The following FBN2 variants were observed in gnomAD, a reference collection of about 807,000 sequenced individuals.
FBN2 encodes fibrillin-2.
FBN2 carries 105 observed loss-of-function variants against 355.6 expected under a neutral mutation model. The observed-to-expected ratio is 0.30, with a 90% CI of 0.25 to 0.35. The LOEUF (loss-of-function observed/expected upper bound fraction) is 0.35, where lower values mean the gene tolerates loss of function less well. Ranked by LOEUF, FBN2 falls within the 10% of genes least tolerant of loss-of-function variation. The probability of loss-of-function intolerance (pLI) is 1.00; values close to 1 mark genes in which losing one functional copy is unlikely to be tolerated. For synonymous variants in FBN2, 1,350 were observed against 1,301.2 expected (o/e 1.04, Z -0.81); for missense variants, 3,280 against 3,758.7 (o/e 0.87, Z 3.33).
chr5:128,330,646 C>G lies in FBN2; in HGVS notation c.4272G>C (p.Gln1424His). ...NGTHQCSINA[Q>H]CVNTPGSYRC... is the part of the protein sequence containing the mutation. The stretch of plus-strand genomic sequence containing the variant: ...GGTATGAGCCCGGGGTATTTACACA[C>G]TGAGCATTGATGCTACACTGGTGGG... Residue 1424 changes from glutamine to histidine, a missense_variant, in exon 33 of 65, where the codon CAG (glutamine) becomes CAC (histidine). Physicochemically the swap from Gln to His is conservative, Grantham distance 24. Around this residue, in one of 6 missense-constraint regions of FBN2, gnomAD observed 2,284 missense variants for 2,749.5 expected, o/e 0.83. Coordinates refer to ENST00000262464, the MANE Select transcript of FBN2 (RefSeq NM_001999.4). The G allele has an allele frequency of 6.2e-7, 1 of 1,613,948 alleles. No individual in the cohort carries two copies.
chr5:128,296,927 G>A (rs1749537003), intron 48 of FBN2, among the ~76,000 whole-genome samples: 1 of 152,028 alleles, frequency 6.6e-6, no homozygotes, highest in South Asian at 2.1e-4. Flanking sequence ...TAATTGTGAT[G>A]TTAGGGTGTC....
At chr5:128,296,452 G>T (rs1749514836) in intron 48 of FBN2, among the ~76,000 whole-genome samples, 1 of 151,744 alleles carries the variant, frequency 6.6e-6, no homozygotes, top group Non-Finnish European at 1.5e-5. Context: ...ATTCGGCTGT[G>T]AATCCATCTG....
At chr5:128,536,524 G>C (rs1756851572) in intron 1 of FBN2, 40 bp from the exon 2 acceptor site, 1 of 1,448,564 alleles carries the variant, frequency 6.9e-7, no homozygotes, top group Admixed American at 1.7e-5. Flanking sequence ...GATAGGTAGA[G>C]GGATGCAGCA....
chr5:128,356,534 A>G (rs1751509265), intron 20 of FBN2, among the ~76,000 whole-genome samples: 1 of 152,248 alleles, frequency 6.6e-6, no homozygotes, highest in Admixed American at 6.5e-5. Flanking sequence ...GATACTAGCT[A>G]ATGATGTGAA....
chr5:128,294,772 C>T (rs1194388510), intron 48 of FBN2, among the ~76,000 whole-genome samples: 12 of 150,212 alleles, frequency 8.0e-5, no homozygotes, highest in African/African-American at 2.7e-4. Flanking sequence ...AAATTTTCTC[C>T]CATTTTGTAG....
chr5:128,333,839 T>TCA (rs368334500), intron 31 of FBN2, among the ~76,000 whole-genome samples: 4,117 of 122,884 alleles, frequency 0.034, 133 homozygotes, highest in African/African-American at 0.093. Context: ...GATGCTGAAA[T>TCA]CACACACACA....
chr5:128,421,521 T>A (rs1753349830), intron 7 of FBN2, among the ~76,000 whole-genome samples: 1 of 152,154 alleles, frequency 6.6e-6, no homozygotes, highest in African/African-American at 2.4e-5. Context: ...GATTAACAAT[T>A]TGAGTTACTA....
intron 48 of FBN2, among the ~76,000 whole-genome samples, chr5:128,291,981 G>T (rs1749336178): frequency 6.6e-6 from 1 of 151,972 alleles, no homozygotes; most frequent in African/African-American, 2.4e-5. Context: ...TCTATGAACT[G>T]GTCCCCTTCT....
At chr5:128,363,318 G>T (rs1751686809) in intron 18 of FBN2, among the ~76,000 whole-genome samples, 1 of 151,988 alleles carries the variant, frequency 6.6e-6, no homozygotes, top group Non-Finnish European at 1.5e-5. Context: ...AGCCTCCTGG[G>T]TGCTGGGATT....
intron 7 of FBN2, among the ~76,000 whole-genome samples, chr5:128,421,229 G>T (rs1359961598): frequency 6.6e-6 from 1 of 152,122 alleles, no homozygotes; most frequent in Non-Finnish European, 1.5e-5. Context: ...TCATTAAGCA[G>T]GCAAGGAGAG....
chr5:128,369,144 G>T, intron 16 of FBN2, 38 bp downstream of exon 16: 1 of 1,607,230 alleles, frequency 6.2e-7, no homozygotes. Context: ...TGTATTTCTT[G>T]ATTCTTTATC....
chr5:128,319,657 T>C (rs374430470), intron 34 of FBN2, among the ~76,000 whole-genome samples: 1 of 152,136 alleles, frequency 6.6e-6, no homozygotes, highest in South Asian at 2.1e-4. Flanking sequence ...AGATGATCCA[T>C]TGACCCCACA....
At chr5:128,500,797 A>G (rs908033180) in intron 5 of FBN2, among the ~76,000 whole-genome samples, 6 of 152,164 alleles carry the variant, frequency 3.9e-5, no homozygotes, top group Admixed American at 1.3e-4. Flanking sequence ...TTATGGATAA[A>G]TTAGTTAAAA....
chr5:128,417,952 A>G (rs947489764), intron 7 of FBN2, among the ~76,000 whole-genome samples: 3 of 152,070 alleles, frequency 2.0e-5, no homozygotes, highest in African/African-American at 4.8e-5. Flanking sequence ...AATACATCCA[A>G]TCCTGGGCTT....
intron 9 of FBN2, 35 bp from the exon 10 acceptor site, chr5:128,393,403 G>A (rs1752573053): frequency 1.3e-6 from 2 of 1,571,122 alleles, no homozygotes. Flanking sequence ...AAGCACAGGT[G>A]AATGTCTTTC....
chr5:128,417,747 T>C (rs1411606459), intron 7 of FBN2, among the ~76,000 whole-genome samples: 1 of 152,196 alleles, frequency 6.6e-6, no homozygotes, highest in Non-Finnish European at 1.5e-5. Context: ...TGGATTCAGT[T>C]TGCTACTATT....
intron 16 of FBN2, among the ~76,000 whole-genome samples, chr5:128,367,884 A>G (rs1177235418): frequency 1.3e-5 from 2 of 152,012 alleles, no homozygotes; most frequent in Non-Finnish European, 2.9e-5. Context: ...TTTTTTAAAA[A>G]AAGTCACACT....
chr5:128,309,123 G>T, intron 41 of FBN2, 124 bp downstream of exon 41: 1 of 948,702 alleles, frequency 1.1e-6, no homozygotes, highest in Non-Finnish European at 1.7e-6. Flanking sequence ...ACCATATGAT[G>T]CTCTTGGGAA....
chr5:128,489,884 T>C (rs1207341662), intron 5 of FBN2, among the ~76,000 whole-genome samples: 1 of 152,168 alleles, frequency 6.6e-6, no homozygotes, highest in Non-Finnish European at 1.5e-5. Context: ...AGATGAAGAC[T>C]ACAGATGTAG....
Sources: allele counts gnomAD v4.1 joint callset (sites outside exome capture counted in the v4.1 genomes callset), GRCh38; gene constraint gnomAD v4.1.1; regional missense constraint gnomAD v4.1.1; transcripts MANE v1.5; gene names NCBI Gene and HGNC (gene_info 2026-07-23, HGNC 2026-07-21).